The following MRPL3 variants were observed in gnomAD, a reference collection of about 807,000 sequenced individuals.
The protein encoded by MRPL3 is mitochondrial ribosomal protein L3.
A neutral mutation model predicts 44.3 loss-of-function variants in MRPL3; 43 were observed. The ratio of observed to expected loss-of-function variants is 0.97; its 90% confidence interval spans 0.76 to 1.25. The LOEUF is 1.25. Ranked by LOEUF, MRPL3 falls within the 50% of genes most tolerant of loss-of-function variation. MRPL3 has a pLI of 0.00. For missense variants in MRPL3, 406 were observed against 427.6 expected, an observed-to-expected ratio of 0.95 and a Z score of 0.45; for synonymous variants, 171 against 152.3, an observed-to-expected ratio of 1.12 and a Z score of -0.91.
At chr3:131,501,130 C>T (rs1202638129) in intron 2 of MRPL3, among the ~76,000 whole-genome samples, 1 of 152,216 alleles carries the variant, frequency 6.6e-6, no homozygotes, top group Non-Finnish European at 1.5e-5. Flanking sequence ...CTTCTAGACA[C>T]AAAGAGCTGA....
chr3:131,469,449 C>A (rs759999087), intron 8 of MRPL3, among the ~76,000 whole-genome samples: 20 of 151,064 alleles, frequency 1.3e-4, no homozygotes, highest in Non-Finnish European at 1.9e-4. Context: ...GAGTGGACTA[C>A]TAATTTTGTC....
chr3:131,487,707 C>A lies in MRPL3; in HGVS notation c.602G>T (p.Gly201Val). ...TTTGGCTGTGACATCCACATACTGT[C>A]CTGGACGAAAGTGAGCAGCATAAAG... ...TPLYAAHFRP[G>V]QYVDVTAKTI... The change falls in exon 6 of 10, where the codon GGA becomes GTA. Residue 201 changes from glycine to valine, a missense_variant. Coordinates refer to ENST00000264995, the MANE Select transcript of MRPL3 (RefSeq NM_007208.4). 1 of 1,611,598 alleles carries A rather than the reference C, an allele frequency of 6.2e-7. No individual in the cohort carries two copies. Among genetic ancestry groups the A allele is most frequent in the East Asian group, 2.2e-5 (1 of 44,804 alleles).
rs367671277 is a variant in MRPL3 at position 131,491,082 on chromosome 3, A to C, written c.469-1002T>G. Among the ~76,000 whole-genome samples the C allele has an allele frequency of 2.0e-5, 3 of 152,316 alleles. No homozygotes were observed. The South Asian group carries it at 6.2e-4, about 32-fold the overall frequency. On this transcript the variant is annotated intron_variant, in intron 4 of 9. Coordinates refer to ENST00000264995, the MANE Select transcript of MRPL3 (RefSeq NM_007208.4). ...ACATGTCACAATAATTCACATATTA[A>C]AACAAACTTTTTCTTGACCACATAT...
intron 5 of MRPL3, among the ~76,000 whole-genome samples, chr3:131,489,157 CTTTATA>C (rs1934193071): frequency 6.6e-6 from 1 of 152,056 alleles, no homozygotes; most frequent in Non-Finnish European, 1.5e-5. Context: ...AGAACTATCC[CTTTATA>C]TTTAAAGTAT....
At chr3:131,502,630 A>C (rs1007765301) in intron 1 of MRPL3, 100 bp downstream of exon 1, 2 of 914,770 alleles carry the variant, frequency 2.2e-6, no homozygotes, top group African/African-American at 3.4e-5. Context: ...GTCTCAACAG[A>C]GCCCCTTCCT....
chr3:131,494,736 CTCAG>C (rs1232544310), intron 4 of MRPL3, among the ~76,000 whole-genome samples: 1 of 152,134 alleles, frequency 6.6e-6, no homozygotes, highest in African/African-American at 2.4e-5. Context: ...CTAATTAGGT[CTCAG>C]TCAGGAGGAA....
chr3:131,488,884 T>C (rs1466333581), intron 5 of MRPL3: 2 of 152,112 alleles, frequency 1.3e-5, no homozygotes, highest in Non-Finnish European at 2.9e-5. Flanking sequence ...CATAAATGTA[T>C]ATAATTTTGA....
rs567467094 is a variant in MRPL3 at position 131,501,660 on chromosome 3, C to A, written c.148G>T (p.Asp50Tyr). ...ACATTTTCTTCAGAAAGATGCTCAT[C>A]CCACCATGTACCACTCTTTCCATGA... Reference protein sequence around the residue: ...GLHGKSGTWWDEHLSEENVPF... With the variant: ...GLHGKSGTWWYEHLSEENVPF... Residue 50 changes from aspartate (D) to tyrosine (Y), a missense_variant, in exon 2 of 10, where the codon GAT becomes TAT. Physicochemically the swap from Asp to Tyr is radical, Grantham distance 160 (BLOSUM62 -3). Coordinates refer to ENST00000264995, the MANE Select transcript of MRPL3 (RefSeq NM_007208.4). The A allele has an allele frequency of 1.8e-4, 295 of 1,613,822 alleles. 4 individuals are homozygous for A. The South Asian group carries it at 3.0e-3, about 17-fold the overall frequency.
intron 1 of MRPL3, 87 bp downstream of exon 1, chr3:131,502,643 T>A: frequency 8.9e-7 from 1 of 1,120,042 alleles, no homozygotes; most frequent in Non-Finnish European, 1.3e-6. Context: ...CCCTTCCTCC[T>A]CCACCCAGGG....
chr3:131,469,411 A>G (rs1933691508), intron 8 of MRPL3, among the ~76,000 whole-genome samples: 1 of 152,158 alleles, frequency 6.6e-6, no homozygotes, highest in Admixed American at 6.6e-5. Context: ...TCATGCAACA[A>G]TATCTTGTAA....
intron 6 of MRPL3, among the ~76,000 whole-genome samples, chr3:131,473,716 A>C (rs1331151979): frequency 6.6e-6 from 1 of 152,106 alleles, no homozygotes; most frequent in Non-Finnish European, 1.5e-5. Flanking sequence ...AACAACTAAA[A>C]AAAAACCCCA....
intron 4 of MRPL3, among the ~76,000 whole-genome samples, chr3:131,496,845 G>GT (rs1300835673): frequency 1.3e-5 from 2 of 152,160 alleles, no homozygotes; most frequent in Admixed American, 6.5e-5. Context: ...CTCAAAGTCC[G>GT]TAAGATGAAG....
chr3:131,487,901 A>C (rs1934166035), intron 5 of MRPL3, among the ~76,000 whole-genome samples, 161 bp from the exon 6 acceptor site: 1 of 152,194 alleles, frequency 6.6e-6, no homozygotes, highest in Non-Finnish European at 1.5e-5. Context: ...TTATTCAACA[A>C]ATATGTCTTT....
intron 4 of MRPL3, 32 bp from the exon 5 acceptor site, chr3:131,490,112 A>G (rs1478291447): frequency 1.4e-6 from 2 of 1,427,618 alleles, no homozygotes; most frequent in Non-Finnish European, 2.0e-6. Flanking sequence ...TAAGTAATAC[A>G]TTGAATATTA....
rs755437627 is a variant in MRPL3 at position 131,462,816 on chromosome 3, T to C, written c.954A>G (p.Thr318=). ...KDLGKNLPFP[T]YFPDGDEEEL... ...CCTCTTCATCTCCATCAGGAAAATA[T>C]GTAGGGAATGGTAGATTTTTACCGA... The change falls in exon 10 of 10, where the codon ACA becomes ACG. Residue 318 remains threonine (T), a synonymous_variant. Coordinates refer to ENST00000264995, the MANE Select transcript of MRPL3 (RefSeq NM_007208.4). 5.0e-6 allele frequency: 8 copies of C among 1,612,902 alleles called. No individual in the cohort carries two copies. The highest frequency in any genetic ancestry group is 3.3e-5 in the Admixed American group (2 of 59,890).
chr3:131,497,173 C>T lies in MRPL3; in HGVS notation c.468+1006G>A, dbSNP rs183030290. On this transcript the variant is annotated intron_variant, in intron 4 of 9. Coordinates refer to ENST00000264995, the MANE Select transcript of MRPL3 (RefSeq NM_007208.4). ...TAACTTCCTCACTAGCTTATGAGCT[C>T]CCAGTGGGTAGATATCAAGACACAG... Among the ~76,000 whole-genome samples, 1,026 of 152,290 alleles carry T rather than the reference C, an allele frequency of 6.7e-3. 5 individuals are homozygous for T. The highest frequency in any genetic ancestry group is 8.9e-3 in the South Asian group (43 of 4,826).
intron 9 of MRPL3, among the ~76,000 whole-genome samples, chr3:131,465,662 C>T (rs1457089037): frequency 6.6e-6 from 1 of 152,008 alleles, no homozygotes; most frequent in East Asian, 1.9e-4. Flanking sequence ...TATTTATAAC[C>T]TGTGATCTGA....
chr3:131,502,919 T>C lies in MRPL3; in HGVS notation c.-98A>G. 1 of 1,199,550 alleles carries C rather than the reference T, an allele frequency of 8.3e-7. No individual in the cohort carries two copies. Among genetic ancestry groups the C allele is most frequent in the Non-Finnish European group, 1.2e-6 (1 of 828,340 alleles). 74.3% of individuals were successfully genotyped at this position (1,199,550 alleles called of 1,614,324 possible). On this transcript the variant is annotated 5_prime_UTR_variant, in exon 1 of 10. Coordinates refer to ENST00000264995, the MANE Select transcript of MRPL3 (RefSeq NM_007208.4). ...CACCGCCACGTGGACGCAGTAGCCG[T>C]GGGGAAGTTTTCGCAATGGCCGCCG...
rs549699134 is a variant in MRPL3, at chr3:131,468,345, T to C, written c.817-177A>G. 9.9e-5 allele frequency among the ~76,000 whole-genome samples: 15 copies of C among 152,254 alleles called. No homozygotes were observed. In the South Asian group the frequency reaches 2.3e-3, roughly 23 times the overall value. ...ATGGATGACTTGTAATAGAAGACCA[T>C]AGCAAATATATCTTATGGAAGTAGT... On this transcript the variant is annotated intron_variant, in intron 8 of 9. Coordinates refer to ENST00000264995, the MANE Select transcript of MRPL3 (RefSeq NM_007208.4).
Sources: allele counts gnomAD v4.1 joint callset (sites outside exome capture counted in the v4.1 genomes callset), GRCh38; gene constraint gnomAD v4.1.1; transcripts MANE v1.5; gene names NCBI Gene and HGNC (gene_info 2026-07-23, HGNC 2026-07-21).